The following ETV5 variants were observed in gnomAD, a reference collection of about 807,000 sequenced individuals.
ETV5 encodes ETS variant transcription factor 5, also known as ETS translocation variant 5.
In ETV5, 10 loss-of-function variants were observed where a neutral mutation model predicts 70.0. The observed-to-expected ratio is 0.14, with a 90% CI of 0.09 to 0.24. The LOEUF (loss-of-function observed/expected upper bound fraction) is 0.24. Ranked by LOEUF, ETV5 falls within the 10% of genes least tolerant of loss-of-function variation. The pLI is 1.00. For missense variants in ETV5, 453 were observed against 651.2 expected (o/e 0.70, Z 3.31); for synonymous variants, 216 against 242.2 (o/e 0.89, Z 1.01).
At position 186,080,026 on chromosome 3, in the gene ETV5, A is replaced by T; in HGVS notation, c.441T>A (p.Asn147Lys). The T allele has an allele frequency of 2.7e-6, 4 of 1,496,812 alleles. No homozygotes were observed. Among genetic ancestry groups the T allele is most frequent in the Non-Finnish European group, 2.7e-6 (3 of 1,127,282 alleles). 92.7% of individuals were successfully genotyped at this position (1,496,812 alleles called of 1,614,324 possible). ...TTGCCTGAGGTGGGGGAAATAGGGGATTCTGATGGGTGGGTGAGAGGGGGG... is the reference window on the plus strand; with the variant it reads ...TTGCCTGAGGTGGGGGAAATAGGGGTTTCTGATGGGTGGGTGAGAGGGGGG... Reference protein sequence around the residue: ...PTTPLSPTHQNPLFPPPQATL... With the variant: ...PTTPLSPTHQKPLFPPPQATL... The change falls in exon 7 of 13, where the codon AAT becomes AAA. Residue 147 changes from asparagine to lysine, a missense_variant. Asn to Lys is a moderately conservative substitution (Grantham distance 94, BLOSUM62 0). Coordinates refer to ENST00000306376, the MANE Select transcript of ETV5 (RefSeq NM_004454.3).
At chr3:186,049,379 C>T (rs759045975) in intron 12 of ETV5, among the ~76,000 whole-genome samples, 13 of 152,202 alleles carry the variant, frequency 8.5e-5, no homozygotes, top group Admixed American at 1.3e-4. Context: ...AATGACTCAC[C>T]GCATGGCTCT....
At chr3:186,089,373 T>C (rs983515189) in intron 5 of ETV5, among the ~76,000 whole-genome samples, 1 of 152,184 alleles carries the variant, frequency 6.6e-6, no homozygotes, top group Non-Finnish European at 1.5e-5. Flanking sequence ...AGCTAACCTG[T>C]GTAAGGATAA....
chr3:186,093,446 T>C (rs1324085342), intron 5 of ETV5, among the ~76,000 whole-genome samples: 8 of 152,206 alleles, frequency 5.3e-5, no homozygotes, highest in Admixed American at 5.2e-4. Flanking sequence ...GATTGCAACA[T>C]TCAGCAAACA....
At chr3:186,062,712 T>C (rs1279841859) in intron 9 of ETV5, among the ~76,000 whole-genome samples, 1 of 152,152 alleles carries the variant, frequency 6.6e-6, no homozygotes, top group Admixed American at 6.5e-5. Context: ...AAAGAACACA[T>C]AACAGTGTCT....
intron 8 of ETV5, 143 bp from the exon 9 acceptor site, chr3:186,064,619 G>T (rs2150144405): frequency 2.6e-6 from 2 of 770,956 alleles, no homozygotes; most frequent in Non-Finnish European, 4.5e-6. Flanking sequence ...CTGGGAAAGA[G>T]GTGCCACACC....
intron 5 of ETV5, among the ~76,000 whole-genome samples, chr3:186,090,410 C>T (rs937689293): frequency 1.3e-5 from 2 of 152,222 alleles, no homozygotes; most frequent in Non-Finnish European, 2.9e-5. Flanking sequence ...CCTGCTAATA[C>T]TTCCATCAAC....
intron 5 of ETV5, among the ~76,000 whole-genome samples, chr3:186,104,685 C>T (rs888212702): frequency 2.0e-5 from 3 of 151,872 alleles, no homozygotes; most frequent in Admixed American, 1.3e-4. Flanking sequence ...CTTGGCCTAA[C>T]ACCAAATATA....
At chr3:186,059,541 C>T (rs1402793350) in intron 9 of ETV5, among the ~76,000 whole-genome samples, 3 of 152,142 alleles carry the variant, frequency 2.0e-5, no homozygotes, top group Middle Eastern at 3.2e-3. Flanking sequence ...AAATTCCTAC[C>T]TTATGGTGTT....
At chr3:186,103,672 T>C (rs1009275023) in intron 5 of ETV5, among the ~76,000 whole-genome samples, 1 of 125,926 alleles carries the variant, frequency 7.9e-6, no homozygotes, top group African/African-American at 3.1e-5. Flanking sequence ...CACACACACT[T>C]GGATTATCTT....
At chr3:186,096,268 G>T (rs1297687133) in intron 5 of ETV5, among the ~76,000 whole-genome samples, 2 of 152,118 alleles carry the variant, frequency 1.3e-5, no homozygotes, top group Non-Finnish European at 2.9e-5. Flanking sequence ...TTAAAATTCA[G>T]ATGAGGAAAC....
intron 5 of ETV5, among the ~76,000 whole-genome samples, chr3:186,098,401 C>A (rs530929508): frequency 1.3e-5 from 2 of 152,232 alleles, no homozygotes; most frequent in Admixed American, 1.3e-4. Context: ...TCGGGAGCCA[C>A]CTGGCTTCCT....
intron 7 of ETV5, among the ~76,000 whole-genome samples, chr3:186,075,566 C>T (rs1713764011): frequency 6.6e-6 from 1 of 152,172 alleles, no homozygotes; most frequent in Admixed American, 6.5e-5. Context: ...TTAGCCCATC[C>T]CTTTAAGCTC....
chr3:186,091,509 A>G (rs1714181380), intron 5 of ETV5, among the ~76,000 whole-genome samples: 1 of 152,212 alleles, frequency 6.6e-6, no homozygotes, highest in South Asian at 2.1e-4. Flanking sequence ...CATCTTCTGT[A>G]CAATAAATAA....
chr3:186,100,939 A>G (rs1034962880), intron 5 of ETV5, among the ~76,000 whole-genome samples: 1 of 152,254 alleles, frequency 6.6e-6, no homozygotes, highest in Non-Finnish European at 1.5e-5. Context: ...ACTGCTATTT[A>G]TATATGCTAA....
chr3:186,063,736 A>G (rs1429611269), intron 9 of ETV5, among the ~76,000 whole-genome samples: 1 of 152,134 alleles, frequency 6.6e-6, no homozygotes, highest in Non-Finnish European at 1.5e-5. Context: ...TGTACATAAC[A>G]TACCTCTCCA....
intron 5 of ETV5, among the ~76,000 whole-genome samples, chr3:186,096,571 C>A (rs1714308184): frequency 6.6e-6 from 1 of 151,954 alleles, no homozygotes; most frequent in Non-Finnish European, 1.5e-5. Context: ...TCTGCCCAGG[C>A]CTGTTCTTTT....
At chr3:186,068,914 C>T (rs1713520532) in intron 7 of ETV5, among the ~76,000 whole-genome samples, 1 of 152,154 alleles carries the variant, frequency 6.6e-6, no homozygotes, top group Admixed American at 6.5e-5. Context: ...AGCCAAGCTT[C>T]AAGGAAAAAT....
rs147907997 is a variant in ETV5, at chr3:186,074,048, C to T, written c.650+5769G>A. ...AGAAATCAATGAAACAGAAAACACC[C>T]GAGAGAGAATAAGTAAGGCCAAAAG... On this transcript the variant is annotated intron_variant, in intron 7 of 12. Transcript: ENST00000306376. Among the ~76,000 whole-genome samples the T allele has an allele frequency of 8.8e-4, 133 of 151,262 alleles. No individual in the cohort carries two copies. The East Asian group carries it at 0.023, about 26-fold the overall frequency.
At chr3:186,073,443 T>C (rs570135840) in intron 7 of ETV5, among the ~76,000 whole-genome samples, 23 of 152,312 alleles carry the variant, frequency 1.5e-4, no homozygotes, top group African/African-American at 5.3e-4. Flanking sequence ...TTTGGAGAAG[T>C]TGAGTGCCTG....
Sources: gnomAD v4.1 joint callset for allele counts (sites outside exome capture counted in the v4.1 genomes callset) on GRCh38, gnomAD v4.1.1 for gene constraint, MANE v1.5 for transcripts, NCBI Gene and HGNC (gene_info 2026-07-23, HGNC 2026-07-21) for gene names.